The following FRMPD1 variants were observed in gnomAD, a reference collection of about 807,000 sequenced individuals.
FRMPD1 encodes the protein FERM and PDZ domain-containing protein 1.
A neutral mutation model predicts 117.8 loss-of-function variants in FRMPD1; 76 were observed. The observed-to-expected ratio is 0.65, with a 90% CI of 0.54 to 0.78. The LOEUF is 0.78. FRMPD1 is among the 30% of genes least tolerant of loss of function. The pLI, the probability that FRMPD1 is intolerant of heterozygous loss-of-function variation, is 0.00. For synonymous variants in FRMPD1, 783 were observed against 770.4 expected (o/e 1.02, Z -0.27); for missense variants, 1,786 against 1,964.5 (o/e 0.91, Z 1.72).
intron 1 of FRMPD1, among the ~76,000 whole-genome samples, chr9:37,675,572 G>T (rs1247600997): frequency 3.3e-5 from 5 of 152,164 alleles, no homozygotes; most frequent in Admixed American, 3.3e-4. Context: ...AAGACTCTCA[G>T]GTGGATGCCT....
the FRMPD1 span, among the ~76,000 whole-genome samples, chr9:37,632,299 T>A: frequency 6.6e-6 from 1 of 152,216 alleles, no homozygotes; most frequent in Non-Finnish European, 1.5e-5. Flanking sequence ...ACATTCTTGT[T>A]AACAAATCAC....
chr9:37,631,974 A>G, the FRMPD1 span, among the ~76,000 whole-genome samples: 1 of 152,220 alleles, frequency 6.6e-6, no homozygotes, highest in Middle Eastern at 3.2e-3. Flanking sequence ...TCCTGATAAG[A>G]GAAGTAATAC....
chr9:37,651,811 T>G (rs1008399447), intron 1 of FRMPD1, among the ~76,000 whole-genome samples: 1 of 152,258 alleles, frequency 6.6e-6, no homozygotes, highest in African/African-American at 2.4e-5. Flanking sequence ...AGGGTGGAAG[T>G]CGTGTTCACT....
chr9:37,728,002 G>GT (rs1823689583), intron 7 of FRMPD1: 1 of 152,228 alleles, frequency 6.6e-6, no homozygotes, highest in Admixed American at 6.5e-5. Flanking sequence ...GCACAGGCAA[G>GT]GCCCACATCC....
chr9:37,745,827 G>A lies in FRMPD1; in HGVS notation c.3795G>A (p.Glu1265=). Residue 1265 remains glutamate (E), a synonymous_variant, in exon 16 of 16, where the codon GAG becomes GAA. Coordinates refer to ENST00000377765, the MANE Select transcript of FRMPD1 (RefSeq NM_014907.3). ...CAGAACCACTACCATGTCCACAAGA[G>A]GATCCTCACTTAGAAACTTCAAACC... ...SLPEPLPCPQ[E]DPHLETSNHC... 1 of 1,614,104 alleles carries A rather than the reference G, an allele frequency of 6.2e-7. No homozygotes were observed. The highest frequency in any genetic ancestry group is 8.5e-7 in the Non-Finnish European group (1 of 1,180,002).
In FRMPD1 at chr9:37,690,587, T is replaced by A. The variant is rs547881128; in HGVS notation, c.-4-2051T>A. ...ATTAATACATTTCAATGCAAGATGA[T>A]CTGGCAGCAAGTTACCTTTTCCCTG... is the stretch of plus-strand genomic sequence containing the variant. On this transcript the variant is annotated intron_variant, in intron 1 of 15. Transcript: ENST00000377765. Among the ~76,000 whole-genome samples the A allele has an allele frequency of 3.3e-5, 5 of 152,312 alleles. No homozygotes were observed. The East Asian group carries it at 9.6e-4, about 29-fold the overall frequency.
intron 7 of FRMPD1, 126 bp from the exon 8 acceptor site, chr9:37,729,602 C>T (rs1040245481): frequency 5.2e-5 from 49 of 938,976 alleles, no homozygotes; most frequent in Middle Eastern, 2.4e-4. Flanking sequence ...CAGACTCTGG[C>T]GTAAGTCAGC....
rs776857407 is a variant in FRMPD1 at position 37,744,793 on chromosome 9, A to T, written c.2761A>T (p.Met921Leu). 1.2e-6 allele frequency: 2 copies of T among 1,614,056 alleles called. No homozygotes were observed. Among genetic ancestry groups the T allele is most frequent in the Non-Finnish European group, 1.7e-6 (2 of 1,180,028 alleles). Residue 921 changes from methionine (M) to leucine (L), a missense_variant, in exon 16 of 16, where the codon ATG (methionine) becomes TTG (leucine). Transcript: ENST00000377765. The stretch of plus-strand genomic sequence containing the variant: ...GAGCACAAACCCAGCCTCCAGGGTC[A>T]TGGAGATGGAGCCCGAGACCATGGA... ...TKSTNPASRVMEMEPETMETK... is the reference protein window; with the variant it reads ...TKSTNPASRVLEMEPETMETK...
chr9:37,710,675 A>T (rs1444621834), intron 4 of FRMPD1, among the ~76,000 whole-genome samples: 1 of 152,050 alleles, frequency 6.6e-6, no homozygotes, highest in East Asian at 1.9e-4. Context: ...TCTCCTAAAA[A>T]ATTTTTTTGG....
chr9:37,622,246 G>A, the FRMPD1 span, among the ~76,000 whole-genome samples: 1 of 152,192 alleles, frequency 6.6e-6, no homozygotes, highest in Admixed American at 6.5e-5. Context: ...GACGGTGAAT[G>A]TGAATGCATG....
intron 6 of FRMPD1, 66 bp from the exon 7 acceptor site, chr9:37,724,159 G>T: frequency 1.2e-6 from 1 of 816,654 alleles, no homozygotes; most frequent in South Asian, 1.4e-5. Context: ...GGGTGACAGA[G>T]AGAGACCCTG....
the FRMPD1 span, among the ~76,000 whole-genome samples, chr9:37,609,410 AGCG>A: frequency 6.6e-6 from 1 of 151,950 alleles, no homozygotes; most frequent in Non-Finnish European, 1.5e-5. Context: ...CATCTCAGGT[AGCG>A]GCAAGTCCAG....
chr9:37,632,074 T>C, the FRMPD1 span, among the ~76,000 whole-genome samples: 375 of 152,354 alleles, frequency 2.5e-3, 2 homozygotes, highest in African/African-American at 8.8e-3. Context: ...ATAGATGGGC[T>C]ATACGGCATG....
chr9:37,705,796 A>G (rs55927426), intron 2 of FRMPD1, among the ~76,000 whole-genome samples: 51,150 of 151,534 alleles, frequency 0.34, 9,413 homozygotes, highest in Non-Finnish European at 0.43. Context: ...GACAACATGG[A>G]GAAACCCCAT....
intron 2 of FRMPD1, 39 bp from the exon 3 acceptor site, chr9:37,707,377 T>C (rs771496840): frequency 2.5e-6 from 4 of 1,591,494 alleles, no homozygotes; most frequent in South Asian, 1.1e-5. Context: ...ACAACTAGAG[T>C]CTTCTCTTTC....
chr9:37,741,930 A>G (rs1824442600), intron 15 of FRMPD1, among the ~76,000 whole-genome samples: 1 of 152,198 alleles, frequency 6.6e-6, no homozygotes, highest in Non-Finnish European at 1.5e-5. Context: ...TTCCCAGGCC[A>G]GGGCAAGTCT....
Position 37,744,879 on chromosome 9 carries a change from C to A in FRMPD1, c.2847C>A (p.Asp949Glu). Residue 949 changes from aspartate (D) to glutamate (E), a missense_variant, in exon 16 of 16, where the codon GAC becomes GAA. By Grantham distance (45) the Asp-to-Glu change is conservative (BLOSUM62 2). Transcript: ENST00000377765. Reference protein sequence around the residue: ...SSISAIRFRIDPNNKENSGVV... With the variant: ...SSISAIRFRIEPNNKENSGVV... ...TTTCTGCCATTCGCTTCCGGATTGA[C>A]CCCAACAATAAAGAGAATTCTGGTG... is the stretch of plus-strand genomic sequence containing the variant. 1 of 1,614,154 alleles carries A rather than the reference C, an allele frequency of 6.2e-7. No individual in the cohort carries two copies. The highest frequency in any genetic ancestry group is 8.5e-7 in the Non-Finnish European group (1 of 1,179,992).
chr9:37,630,721 C>T, the FRMPD1 span, among the ~76,000 whole-genome samples: 1 of 152,228 alleles, frequency 6.6e-6, no homozygotes, highest in East Asian at 1.9e-4. Context: ...TCTTATGACC[C>T]CTGTGTCTGG....
At chr9:37,615,445 A>T in the FRMPD1 span, among the ~76,000 whole-genome samples, 1 of 151,966 alleles carries the variant, frequency 6.6e-6, no homozygotes, top group African/African-American at 2.4e-5. Context: ...CTCGCTTCTG[A>T]TTGAGCTTTT....
Sources: allele counts gnomAD v4.1 joint callset (sites outside exome capture counted in the v4.1 genomes callset), GRCh38; gene constraint gnomAD v4.1.1; transcripts MANE v1.5; gene names NCBI Gene and HGNC (gene_info 2026-07-23, HGNC 2026-07-21).